The following RARB variants were observed in gnomAD, a reference collection of about 807,000 sequenced individuals.
The protein encoded by RARB is retinoic acid receptor beta.
In RARB, 17 loss-of-function variants were observed where a neutral mutation model predicts 51.9. The ratio of observed to expected loss-of-function variants is 0.33; its 90% confidence interval spans 0.22 to 0.49. The LOEUF is 0.49. RARB is among the 20% of genes least tolerant of loss of function. The probability of loss-of-function intolerance (pLI) is 0.99; values close to 1 mark genes in which losing one functional copy is unlikely to be tolerated. For missense variants in RARB, 369 were observed against 550.8 expected, an observed-to-expected ratio of 0.67 and a Z score of 3.30; for synonymous variants, 215 against 195.4, an observed-to-expected ratio of 1.10 and a Z score of -0.84.
At chr3:25,037,625 T>C (rs550803670) in intron 2 of RARB, among the ~76,000 whole-genome samples, 16 of 152,250 alleles carry the variant, frequency 1.1e-4, no homozygotes, top group Non-Finnish European at 1.8e-4. Context: ...TGGTGCTCAT[T>C]TAGCAAGTAT....
chr3:24,915,273 C>T (rs1016775537), intron 2 of RARB, among the ~76,000 whole-genome samples: 1 of 152,158 alleles, frequency 6.6e-6, no homozygotes, highest in Non-Finnish European at 1.5e-5. Context: ...TTCTAGTAGT[C>T]ACAGACATAA....
intron 2 of RARB, among the ~76,000 whole-genome samples, chr3:24,870,306 T>G (rs1242263883): frequency 6.6e-6 from 1 of 152,080 alleles, no homozygotes; most frequent in Non-Finnish European, 1.5e-5. Context: ...ACATAATTCA[T>G]TTGGAATTGA....
At chr3:25,109,933 C>G (rs1326741895) in intron 3 of RARB, among the ~76,000 whole-genome samples, 1 of 152,244 alleles carries the variant, frequency 6.6e-6, no homozygotes, top group Non-Finnish European at 1.5e-5. Context: ...AGAATTCCAA[C>G]TTCATCCCTT....
At chr3:25,286,237 C>T (rs568343724) in intron 5 of RARB, among the ~76,000 whole-genome samples, 10 of 151,972 alleles carry the variant, frequency 6.6e-5, no homozygotes, top group Admixed American at 2.6e-4. Context: ...TACAGGCGCC[C>T]GCCACCATGC....
chr3:25,332,699 T>C (rs1191898184), intron 5 of RARB, among the ~76,000 whole-genome samples: 1 of 152,090 alleles, frequency 6.6e-6, no homozygotes, highest in African/African-American at 2.4e-5. Context: ...GAGAAAGAAA[T>C]AAAGGGTATT....
At chr3:25,450,953 G>T (rs1210724650) in intron 1 of RARB, among the ~76,000 whole-genome samples, 1 of 152,186 alleles carries the variant, frequency 6.6e-6, no homozygotes, top group Non-Finnish European at 1.5e-5. Context: ...GGGCGTGGTG[G>T]CGCACATTTA....
intron 5 of RARB, among the ~76,000 whole-genome samples, chr3:25,179,962 C>G (rs1000955170): frequency 6.6e-6 from 1 of 152,160 alleles, no homozygotes; most frequent in Non-Finnish European, 1.5e-5. Context: ...TAATGAGGAG[C>G]TGAGCTCATT....
chr3:25,032,279 G>T (rs926032858), intron 2 of RARB, among the ~76,000 whole-genome samples: 9 of 152,180 alleles, frequency 5.9e-5, no homozygotes, highest in African/African-American at 2.2e-4. Flanking sequence ...AATGGAACCT[G>T]CCTTTCCCCA....
chr3:25,088,445 T>C (rs559058734), intron 3 of RARB, among the ~76,000 whole-genome samples: 1 of 152,266 alleles, frequency 6.6e-6, no homozygotes, highest in Admixed American at 6.5e-5. Context: ...TAACTGTATA[T>C]AATTGATGGC....
chr3:24,933,369 G>C (rs1695481836), intron 2 of RARB, among the ~76,000 whole-genome samples: 1 of 151,876 alleles, frequency 6.6e-6, no homozygotes, highest in Non-Finnish European at 1.5e-5. Context: ...GTTTTTCTAA[G>C]CCAATTTAAA....
intron 2 of RARB, among the ~76,000 whole-genome samples, chr3:25,054,016 C>G (rs1261050654): frequency 1.3e-5 from 2 of 152,110 alleles, no homozygotes; most frequent in East Asian, 3.9e-4. Flanking sequence ...TGTCCTTGCT[C>G]TTGAGGAGTT....
chr3:25,464,104 G>A (rs546611031), intron 2 of RARB, among the ~76,000 whole-genome samples: 1 of 152,156 alleles, frequency 6.6e-6, no homozygotes, highest in Non-Finnish European at 1.5e-5. Flanking sequence ...TATTTGAAAA[G>A]TAAATGAAAA....
intron 2 of RARB, among the ~76,000 whole-genome samples, chr3:25,007,817 A>C (rs867889118): frequency 3.3e-5 from 5 of 151,964 alleles, no homozygotes; most frequent in Non-Finnish European, 4.4e-5. Context: ...GCTTTGTGAT[A>C]CGTGTTACAT....
chr3:25,403,892 A>AC (rs1707333711), intron 5 of RARB, among the ~76,000 whole-genome samples: 1 of 150,596 alleles, frequency 6.6e-6, no homozygotes. Flanking sequence ...TTTCTAAAAA[A>AC]AAAAAAAAAA....
chr3:25,369,739 G>A (rs1047211209), intron 5 of RARB, among the ~76,000 whole-genome samples: 4 of 152,192 alleles, frequency 2.6e-5, no homozygotes, highest in East Asian at 1.9e-4. Flanking sequence ...TCTGACCAAC[G>A]TGGAGAAACC....
At chr3:25,583,699 C>T (rs1038119388) in intron 5 of RARB, among the ~76,000 whole-genome samples, 2 of 152,224 alleles carry the variant, frequency 1.3e-5, no homozygotes, top group Non-Finnish European at 1.5e-5. Context: ...CTAGCCTTTG[C>T]TCGGTGGGGA....
At chr3:25,047,933 G>T (rs934372800) in intron 2 of RARB, among the ~76,000 whole-genome samples, 1 of 152,140 alleles carries the variant, frequency 6.6e-6, no homozygotes, top group Non-Finnish European at 1.5e-5. Context: ...TCATGGGGGT[G>T]GTTTCTCCTA....
At chr3:24,901,374 A>G (rs865907835) in intron 2 of RARB, among the ~76,000 whole-genome samples, 31 of 151,956 alleles carry the variant, frequency 2.0e-4, no homozygotes, top group Non-Finnish European at 4.0e-4. Flanking sequence ...AACAGAACAA[A>G]CCCCAAACCT....
At chr3:24,982,191 C>T (rs756532396) in intron 2 of RARB, among the ~76,000 whole-genome samples, 3 of 152,182 alleles carry the variant, frequency 2.0e-5, no homozygotes, top group Non-Finnish European at 4.4e-5. Flanking sequence ...GGCCCAGCTG[C>T]TCTTTTTGGC....
Sources: allele counts gnomAD v4.1 joint callset (sites outside exome capture counted in the v4.1 genomes callset), GRCh38; gene constraint gnomAD v4.1.1; transcripts MANE v1.5; gene names NCBI Gene and HGNC (gene_info 2026-07-23, HGNC 2026-07-21).